CCDC181: variants seen among roughly 807,000 people sequenced by gnomAD.
CCDC181 encodes coiled-coil domain-containing protein 181.
In CCDC181, 35 loss-of-function variants were observed where a neutral mutation model predicts 58.7. The ratio of observed to expected loss-of-function variants is 0.60; its 90% confidence interval spans 0.46 to 0.79. CCDC181 has a LOEUF of 0.79. CCDC181 is among the 30% of genes least tolerant of loss of function. The probability of loss-of-function intolerance (pLI) is 0.00; values close to 1 mark genes in which losing one functional copy is unlikely to be tolerated. For missense variants in CCDC181, 517 were observed against 583.9 expected, an observed-to-expected ratio of 0.89 and a Z score of 1.18; for synonymous variants, 183 against 197.5, an observed-to-expected ratio of 0.93 and a Z score of 0.62.
intron 4 of CCDC181, among the ~76,000 whole-genome samples, chr1:169,402,830 C>A (rs1212184115): frequency 6.6e-6 from 1 of 152,102 alleles, no homozygotes; most frequent in Non-Finnish European, 1.5e-5. Context: ...TGTAAATGGG[C>A]TAAATGCTCC....
chr1:169,411,814 G>A (rs924760757), intron 4 of CCDC181, among the ~76,000 whole-genome samples: 12 of 152,126 alleles, frequency 7.9e-5, no homozygotes, highest in African/African-American at 1.9e-4. Flanking sequence ...AAAGGCCTTC[G>A]ATAAAATTCA....
In CCDC181 at chr1:169,397,269, T is replaced by A; in HGVS notation, c.1338A>T (p.Lys446Asn). 2 of 1,608,456 alleles carry A rather than the reference T, an allele frequency of 1.2e-6. No homozygotes were observed. Among genetic ancestry groups the A allele is most frequent in the Non-Finnish European group, 1.7e-6 (2 of 1,177,632 alleles). Residue 446 changes from lysine to asparagine, a missense_variant, in exon 5 of 6, where the codon AAA becomes AAT. Transcript: ENST00000367806. ...AGGCCCTTTCCCGGCCTTCTGTTCC[T>A]TTAAGGAAGAATAAACATTCCTCTT... Reference protein sequence around the residue: ...RKQEECLFFLKGTEGRERAFK... With the variant: ...RKQEECLFFLNGTEGRERAFK...
chr1:169,428,040 G>A (rs1557874182), upstream of CCDC181, among the ~76,000 whole-genome samples: 1 of 152,102 alleles, frequency 6.6e-6, no homozygotes, highest in Non-Finnish European at 1.5e-5. Context: ...TAAGAACTGG[G>A]AGAAGTAAAA....
At chr1:169,453,516 C>T (rs1281771124) in intron 2 of CCDC181, among the ~76,000 whole-genome samples, 1 of 152,020 alleles carries the variant, frequency 6.6e-6, no homozygotes, top group African/African-American at 2.4e-5. Context: ...CAGAATCTGC[C>T]ACTCTAATGG....
chr1:169,409,211 G>GA (rs1414003999), intron 4 of CCDC181, among the ~76,000 whole-genome samples: 1 of 152,152 alleles, frequency 6.6e-6, no homozygotes, highest in Non-Finnish European at 1.5e-5. Context: ...TGATGGAGCT[G>GA]AAAAACACAG....
intron 3 of CCDC181, 63 bp downstream of exon 3, chr1:169,421,300 A>G: frequency 1.6e-6 from 2 of 1,238,652 alleles, no homozygotes; most frequent in Non-Finnish European, 2.2e-6. Flanking sequence ...TTTAATTCCC[A>G]TTGCATTTAT....
intron 2 of CCDC181, among the ~76,000 whole-genome samples, chr1:169,446,181 C>G (rs1657368382): frequency 6.6e-6 from 1 of 152,134 alleles, no homozygotes; most frequent in African/African-American, 2.4e-5. Flanking sequence ...TGCGGTGGCT[C>G]ACACCTATAA....
intron 2 of CCDC181, among the ~76,000 whole-genome samples, chr1:169,432,764 T>C (rs1656954570): frequency 2.0e-5 from 3 of 152,202 alleles, no homozygotes; most frequent in Middle Eastern, 3.4e-3. Flanking sequence ...ATCATTTTAA[T>C]TGATGCAGAA....
At chr1:169,444,262 G>A (rs922551692) in intron 2 of CCDC181, among the ~76,000 whole-genome samples, 5 of 150,326 alleles carry the variant, frequency 3.3e-5, no homozygotes, top group African/African-American at 9.8e-5. Context: ...TAGAGCTTCA[G>A]GTTTTAAGCA....
intron 2 of CCDC181, among the ~76,000 whole-genome samples, chr1:169,446,132 C>T (rs1385003103): frequency 6.6e-6 from 1 of 151,938 alleles, no homozygotes; most frequent in Non-Finnish European, 1.5e-5. Context: ...TTCTTTTCTT[C>T]TGCTTCCTTT....
intron 4 of CCDC181, among the ~76,000 whole-genome samples, chr1:169,411,826 CA>C (rs1655979813): frequency 6.6e-6 from 1 of 152,202 alleles, no homozygotes; most frequent in South Asian, 2.1e-4. Context: ...TAAAATTCAA[CA>C]GCACTTCATG....
chr1:169,447,977 T>C (rs979427572), intron 2 of CCDC181, among the ~76,000 whole-genome samples: 1 of 152,150 alleles, frequency 6.6e-6, no homozygotes, highest in Non-Finnish European at 1.5e-5. Flanking sequence ...ATCCATTTTA[T>C]CTCCTCTCCT....
chr1:169,409,842 A>G (rs1379770842), intron 4 of CCDC181, among the ~76,000 whole-genome samples: 1 of 152,210 alleles, frequency 6.6e-6, no homozygotes, highest in African/African-American at 2.4e-5. Context: ...ATGCTGAGAG[A>G]TTTTGTCACC....
chr1:169,416,066 G>A (rs1656199051), intron 4 of CCDC181, among the ~76,000 whole-genome samples: 2 of 152,214 alleles, frequency 1.3e-5, no homozygotes, highest in African/African-American at 4.8e-5. Flanking sequence ...GATTCCAGCT[G>A]AGAAGCTGTA....
intron 4 of CCDC181, among the ~76,000 whole-genome samples, chr1:169,400,102 A>C (rs1331471893): frequency 6.6e-6 from 1 of 152,184 alleles, no homozygotes; most frequent in Non-Finnish European, 1.5e-5. Flanking sequence ...TTAATGAAGA[A>C]GATAATAAAG....
At position 169,421,499 on chromosome 1, in the gene CCDC181, C is replaced by T. The variant is rs1293573744; in HGVS notation, c.932G>A (p.Ser311Asn). 1 of 1,613,966 alleles carries T rather than the reference C, an allele frequency of 6.2e-7. No individual in the cohort carries two copies. The highest frequency in any genetic ancestry group is 8.5e-7 in the Non-Finnish European group (1 of 1,180,014). ...CPSSAVNSDR[S>N]KGNGKSNHRT... ...GTGATTAGATTTCCCATTCCCTTTA[C>T]TTCGATCTGAGTTGACAGCAGAGCT... The change falls in exon 3 of 6, where the codon AGT becomes AAT. Residue 311 changes from serine (S) to asparagine (N), a missense_variant. Physicochemically the swap from Ser to Asn is conservative, Grantham distance 46. Transcript: ENST00000367806.
intron 2 of CCDC181, among the ~76,000 whole-genome samples, chr1:169,445,325 G>A (rs1160968631): frequency 4.6e-5 from 7 of 152,026 alleles, no homozygotes; most frequent in Non-Finnish European, 7.4e-5. Context: ...TTTATTCCTC[G>A]TTTGCTGAGA....
intron 2 of CCDC181, among the ~76,000 whole-genome samples, chr1:169,437,469 A>G (rs1311669965): frequency 6.6e-6 from 1 of 152,230 alleles, no homozygotes; most frequent in East Asian, 1.9e-4. Flanking sequence ...TATGCCCAGG[A>G]ATGAACAAGG....
At chr1:169,427,710 T>C (rs1656779199), upstream of CCDC181, among the ~76,000 whole-genome samples, 3 of 152,248 alleles carry the variant, frequency 2.0e-5, no homozygotes, top group South Asian at 4.1e-4. Flanking sequence ...TCTAAAACTA[T>C]ATTTCTATAT....
Sources: allele counts gnomAD v4.1 joint callset (sites outside exome capture counted in the v4.1 genomes callset), GRCh38; gene constraint gnomAD v4.1.1; transcripts MANE v1.5; gene names NCBI Gene and HGNC (gene_info 2026-07-23, HGNC 2026-07-21).